FGF14: variants seen among roughly 807,000 people sequenced by gnomAD.
FGF14 encodes fibroblast growth factor homologous factor 4.
In FGF14, 5 loss-of-function variants were observed where a neutral mutation model predicts 25.5. The observed-to-expected ratio is 0.20, with a 90% CI of 0.10 to 0.41. FGF14 has a LOEUF of 0.41. Ranked by LOEUF, FGF14 falls within the 10% of genes least tolerant of loss-of-function variation. The probability of loss-of-function intolerance (pLI) is 1.00; values close to 1 mark genes in which losing one functional copy is unlikely to be tolerated. For missense variants in FGF14, 222 were observed against 320.1 expected, an observed-to-expected ratio of 0.69 and a Z score of 2.34; for synonymous variants, 138 against 118.3, an observed-to-expected ratio of 1.17 and a Z score of -1.08.
chr13:101,967,791 A>T (rs2037310640), intron 1 of FGF14: 1 of 154,180 alleles, frequency 6.5e-6, no homozygotes, highest in South Asian at 2.0e-4. Flanking sequence ...CCTCTATTGA[A>T]TCCTCTACAA....
At chr13:101,909,262 G>A (rs2032624294) in intron 1 of FGF14, among the ~76,000 whole-genome samples, 1 of 152,140 alleles carries the variant, frequency 6.6e-6, no homozygotes, top group South Asian at 2.1e-4. Flanking sequence ...AAACTAAAGA[G>A]CTTCTGCACA....
At chr13:101,735,076 T>C (rs1251899157) in intron 3 of FGF14, among the ~76,000 whole-genome samples, 1 of 152,148 alleles carries the variant, frequency 6.6e-6, no homozygotes, top group East Asian at 1.9e-4. Flanking sequence ...CCTGGGCTAC[T>C]CTCGCTGGAG....
At chr13:102,247,493 C>T (rs1381731476) in intron 1 of FGF14, among the ~76,000 whole-genome samples, 2 of 152,090 alleles carry the variant, frequency 1.3e-5, no homozygotes, top group South Asian at 2.1e-4. Context: ...AAAAAACCCT[C>T]AATATCACTG....
intron 1 of FGF14, among the ~76,000 whole-genome samples, chr13:102,269,959 G>A (rs9300730): frequency 0.16 from 24,616 of 152,136 alleles, 2,166 homozygotes; most frequent in East Asian, 0.39. Context: ...CCCGAGTGGA[G>A]TTGCTGTTCA....
rs760595879 is a variant in FGF14, at chr13:101,722,955, C to T, written c.620G>A (p.Arg207Gln). 1.9e-5 allele frequency: 30 copies of T among 1,613,098 alleles called. No individual in the cohort carries two copies. Among genetic ancestry groups the T allele is most frequent in the Admixed American group, 5.0e-5 (3 of 59,876 alleles). The change falls in exon 5 of 5, where the codon CGA becomes CAA. Residue 207 changes from arginine to glutamine, a missense_variant. This residue lies in a region of FGF14 where 66 missense variants were observed against 90.3 expected (regional missense o/e 0.73). Coordinates refer to ENST00000376143, the MANE Select transcript of FGF14 (RefSeq NM_004115.4). ...CCCAACATCATGCAAAGATGGTTCT[C>T]GGTACATGGCAACTAGTGATGGGAA... The part of the protein sequence containing the change: ...LPKPLEVAMY[R>Q]EPSLHDVGET...
At chr13:102,275,244 C>CTCTCTCTCTCTT (rs1566889232) in intron 1 of FGF14, among the ~76,000 whole-genome samples, 4 of 97,440 alleles carry the variant, frequency 4.1e-5, no homozygotes, top group African/African-American at 1.8e-4. Context: ...TTCTCTCTCT[C>CTCTCTCTCTCTT]TCTCTCTCTC....
intron 1 of FGF14, among the ~76,000 whole-genome samples, chr13:102,247,281 C>A (rs1200901477): frequency 6.6e-6 from 1 of 151,960 alleles, no homozygotes; most frequent in African/African-American, 2.4e-5. Context: ...AAGAAAATAT[C>A]AACAGAGTGA....
chr13:101,832,398 G>A (rs746391326), intron 3 of FGF14, among the ~76,000 whole-genome samples: 16 of 152,062 alleles, frequency 1.1e-4, no homozygotes, highest in Admixed American at 9.2e-4. Flanking sequence ...ATTGGTTACC[G>A]CAGCCACAGG....
upstream of FGF14, among the ~76,000 whole-genome samples, chr13:101,917,173 G>A (rs1467136206): frequency 4.7e-5 from 7 of 150,392 alleles, no homozygotes; most frequent in South Asian, 4.1e-4. Context: ...GGCCGGTGCC[G>A]CCGCCGGCGC....
chr13:102,279,619 T>C (rs148087196), intron 1 of FGF14, among the ~76,000 whole-genome samples: 41 of 152,326 alleles, frequency 2.7e-4, no homozygotes, highest in African/African-American at 9.9e-4. Flanking sequence ...GCACTTTCCA[T>C]ATATTTGCAC....
intron 1 of FGF14, among the ~76,000 whole-genome samples, chr13:102,232,426 A>G (rs1214528639): frequency 6.6e-6 from 1 of 152,236 alleles, no homozygotes; most frequent in Admixed American, 6.5e-5. Context: ...ATTCAGTGAC[A>G]ATTATATTCT....
chr13:102,070,229 G>A (rs1463892886), intron 1 of FGF14, among the ~76,000 whole-genome samples: 11 of 152,148 alleles, frequency 7.2e-5, no homozygotes, highest in Admixed American at 7.2e-4. Flanking sequence ...TATCAGAATA[G>A]ACATTTCTCA....
intron 1 of FGF14, among the ~76,000 whole-genome samples, chr13:101,995,652 T>C (rs1271515783): frequency 6.6e-6 from 1 of 152,090 alleles, no homozygotes; most frequent in African/African-American, 2.4e-5. Flanking sequence ...AATGGAAGGC[T>C]GAGTACTAAA....
At chr13:101,901,434 T>C (rs2031532617) in intron 1 of FGF14, among the ~76,000 whole-genome samples, 1 of 152,098 alleles carries the variant, frequency 6.6e-6, no homozygotes, top group African/African-American at 2.4e-5. Context: ...TGGGATGCGG[T>C]GGCTCATGCC....
At chr13:101,872,246 G>C (rs900728699) in intron 2 of FGF14, among the ~76,000 whole-genome samples, 3 of 150,326 alleles carry the variant, frequency 2.0e-5, no homozygotes, top group Admixed American at 6.6e-5. Flanking sequence ...TATTCAGGGA[G>C]TCATAAAAAA....
At chr13:102,031,775 G>T (rs1375166706) in intron 1 of FGF14, among the ~76,000 whole-genome samples, 1 of 152,016 alleles carries the variant, frequency 6.6e-6, no homozygotes, top group African/African-American at 2.4e-5. Context: ...TTTCCTTAAG[G>T]CCAAAAGGGT....
intron 1 of FGF14, among the ~76,000 whole-genome samples, chr13:101,990,447 TTTA>T (rs2038836096): frequency 6.6e-6 from 1 of 152,176 alleles, no homozygotes; most frequent in African/African-American, 2.4e-5. Context: ...AAATCCTTTT[TTTA>T]TGTTTACTCA....
intron 1 of FGF14, among the ~76,000 whole-genome samples, chr13:102,019,824 T>G (rs1356146606): frequency 6.6e-6 from 1 of 152,064 alleles, no homozygotes; most frequent in African/African-American, 2.4e-5. Context: ...TGTCCTTCTG[T>G]TAAAAGGATG....
chr13:102,003,657 G>A (rs1223433222), intron 1 of FGF14, among the ~76,000 whole-genome samples: 2 of 147,802 alleles, frequency 1.4e-5, no homozygotes, highest in African/African-American at 2.6e-5. Context: ...TTTATTGCAA[G>A]GGGTTAGCTT....
Sources: gnomAD v4.1 joint callset for allele counts (sites outside exome capture counted in the v4.1 genomes callset) on GRCh38, gnomAD v4.1.1 for gene constraint, gnomAD v4.1.1 regional missense constraint, MANE v1.5 for transcripts, NCBI Gene and HGNC (gene_info 2026-07-23, HGNC 2026-07-21) for gene names.